Variants in ATP10B observed in about 807,000 individuals in gnomAD.
ATP10B encodes phospholipid-transporting ATPase VB.
A neutral mutation model predicts 141.2 loss-of-function variants in ATP10B; 122 were observed. That is an observed-to-expected ratio of 0.86 (90% CI 0.75 to 1.00). ATP10B has a LOEUF of 1.00. ATP10B is among the 50% of genes least tolerant of loss of function. The pLI, the probability that ATP10B is intolerant of heterozygous loss-of-function variation, is 0.00. For synonymous variants in ATP10B, 685 were observed against 692.0 expected (o/e 0.99, Z 0.16); for missense variants, 1,876 against 1,825.3 (o/e 1.03, Z -0.51).
At chr5:160,818,384 A>C (rs1284388887) in intron 1 of ATP10B, among the ~76,000 whole-genome samples, 8 of 152,220 alleles carry the variant, frequency 5.3e-5, no homozygotes, top group Non-Finnish European at 1.0e-4. Context: ...ATGCAGCCAA[A>C]AGACACATGA....
At chr5:160,919,223 CAAAAAAAAA>C in the ATP10B span, among the ~76,000 whole-genome samples, 304 of 26,968 alleles carry the variant, frequency 0.011, 16 homozygotes, top group African/African-American at 0.056. Context: ...AACTCCGTCT[CAAAAAAAAA>C]AAAAAAAAAA....
Position 160,634,450 on chromosome 5 carries a change from A to G in ATP10B, c.1285T>C (p.Tyr429His), listed in dbSNP as rs372932186. Reference sequence around the variant, plus strand: ...GTCCCCGTCTTATCGGAGAAGATGTACTGGATCTGGCCCAAGTCCTCTGCG... The same window carrying G: ...GTCCCCGTCTTATCGGAGAAGATGTGCTGGATCTGGCCCAAGTCCTCTGCG... ...NIAEDLGQIQ[Y>H]IFSDKTGTLT... Residue 429 changes from tyrosine to histidine, a missense_variant, in exon 12 of 26, where the codon TAC becomes CAC. Transcript: ENST00000327245. The G allele has an allele frequency of 4.8e-5, 78 of 1,614,050 alleles. No homozygotes were observed. The highest frequency in any genetic ancestry group is 1.6e-4 in the Middle Eastern group (1 of 6,084).
Position 160,781,815 on chromosome 5 carries a change from T to C in ATP10B, c.-331+3744A>G, listed in dbSNP as rs144856639. On this transcript the variant is annotated intron_variant, in intron 2 of 25. Transcript: ENST00000327245. ...AAGTAAAATATAAAAATAAATCAAA[T>C]GCTGGCCATAAAAATAGGTTGACCT... 7.2e-3 allele frequency among the ~76,000 whole-genome samples: 1,103 copies of C among 152,232 alleles called. 13 individuals carry two copies. Among genetic ancestry groups the C allele is most frequent in the Non-Finnish European group, 0.012 (838 of 68,004 alleles).
the ATP10B span, among the ~76,000 whole-genome samples, chr5:160,920,018 A>G: frequency 6.6e-6 from 1 of 152,244 alleles, no homozygotes; most frequent in Non-Finnish European, 1.5e-5. Context: ...CCTGAGCTTC[A>G]GCTGCAATGT....
intron 1 of ATP10B, among the ~76,000 whole-genome samples, chr5:160,841,327 G>T (rs918916009): frequency 6.6e-6 from 1 of 152,092 alleles, no homozygotes. Context: ...AAGCTTACAT[G>T]TTACCTTGTA....
At chr5:160,720,799 T>G (rs1385624045) in intron 2 of ATP10B, among the ~76,000 whole-genome samples, 1 of 152,238 alleles carries the variant, frequency 6.6e-6, no homozygotes, top group Non-Finnish European at 1.5e-5. Context: ...GAAAGAGAAA[T>G]GTTGCCTTGG....
the ATP10B span, among the ~76,000 whole-genome samples, chr5:160,878,206 C>A: frequency 1.3e-5 from 2 of 150,874 alleles, no homozygotes; most frequent in Non-Finnish European, 3.0e-5. Flanking sequence ...TGGAACAGAA[C>A]AGAGCCCTCA....
chr5:160,817,825 A>C (rs1209237651), intron 1 of ATP10B, among the ~76,000 whole-genome samples: 1 of 152,194 alleles, frequency 6.6e-6, no homozygotes, highest in Non-Finnish European at 1.5e-5. Context: ...AACAGAACAG[A>C]GCCCTCAGAA....
chr5:160,785,010 A>ATTTGC (rs1018657915), intron 2 of ATP10B, among the ~76,000 whole-genome samples: 4 of 152,134 alleles, frequency 2.6e-5, no homozygotes, highest in Non-Finnish European at 4.4e-5. Context: ...TGGTGGTTCC[A>ATTTGC]TTTGCTTTGC....
chr5:160,861,632 T>A, the ATP10B span, among the ~76,000 whole-genome samples: 2,337 of 151,990 alleles, frequency 0.015, 59 homozygotes, highest in African/African-American at 0.054. Context: ...GTAGAAGACA[T>A]TCATAATTAT....
At chr5:160,607,182 C>G in intron 18 of ATP10B, 96 bp from the exon 19 acceptor site, 3 of 1,000,746 alleles carry the variant, frequency 3.0e-6, no homozygotes, top group Non-Finnish European at 1.5e-6. Flanking sequence ...TCATAAAACT[C>G]TACTACCATA....
intron 16 of ATP10B, among the ~76,000 whole-genome samples, chr5:160,617,412 A>G (rs1034686731): frequency 2.6e-5 from 4 of 152,222 alleles, no homozygotes; most frequent in Admixed American, 2.6e-4. Context: ...CACAGGAATC[A>G]ACTTCTTCCT....
At chr5:160,656,893 A>C (rs1400009784) in intron 7 of ATP10B, among the ~76,000 whole-genome samples, 1 of 152,210 alleles carries the variant, frequency 6.6e-6, no homozygotes, top group Non-Finnish European at 1.5e-5. Context: ...GTTTTTACCA[A>C]GAGTCAAGAA....
At chr5:160,583,859 A>G (rs895148357) in intron 24 of ATP10B, among the ~76,000 whole-genome samples, 3 of 152,112 alleles carry the variant, frequency 2.0e-5, no homozygotes, top group Non-Finnish European at 4.4e-5. Flanking sequence ...AAGCCTCAGT[A>G]ATGGTGGACA....
intron 1 of ATP10B, among the ~76,000 whole-genome samples, chr5:160,816,614 T>C (rs1310282749): frequency 1.3e-5 from 2 of 152,134 alleles, no homozygotes; most frequent in South Asian, 2.1e-4. Context: ...ACTATTCCAA[T>C]CAACAGAAAA....
intron 22 of ATP10B, among the ~76,000 whole-genome samples, chr5:160,591,569 C>T (rs1022677576): frequency 3.3e-5 from 5 of 152,122 alleles, no homozygotes; most frequent in Admixed American, 2.6e-4. Flanking sequence ...TTCTAAGTGG[C>T]ATCTGAGAGA....
chr5:160,735,695 T>G (rs1459979487), intron 2 of ATP10B, among the ~76,000 whole-genome samples: 1 of 152,126 alleles, frequency 6.6e-6, no homozygotes, highest in Non-Finnish European at 1.5e-5. Flanking sequence ...TGAATATACA[T>G]TAGTTTCCTT....
At chr5:160,800,652 C>G (rs2127929843) in intron 1 of ATP10B, among the ~76,000 whole-genome samples, 1 of 152,294 alleles carries the variant, frequency 6.6e-6, no homozygotes, top group East Asian at 1.9e-4. Context: ...AATCTTGGAT[C>G]TTGTTTAATA....
At chr5:160,652,913 G>GTATATATAATATATTATATA (rs1198824825) in intron 7 of ATP10B, among the ~76,000 whole-genome samples, 1 of 56,944 alleles carries the variant, frequency 1.8e-5, no homozygotes, top group Non-Finnish European at 2.8e-5. Context: ...ATATATACAT[G>GTATATATAATATATTATATA]TATATATAAT....
Sources: gnomAD v4.1 joint callset for allele counts (sites outside exome capture counted in the v4.1 genomes callset) on GRCh38, gnomAD v4.1.1 for gene constraint, MANE v1.5 for transcripts, NCBI Gene and HGNC (gene_info 2026-07-23, HGNC 2026-07-21) for gene names.